The following KANSL3 variants were observed in gnomAD, a reference collection of about 807,000 sequenced individuals.
KANSL3 encodes the protein NSL complex protein NSL3.
KANSL3 carries 16 observed loss-of-function variants against 89.2 expected under a neutral mutation model. The ratio of observed to expected loss-of-function variants is 0.18; its 90% CI spans 0.12 to 0.27. KANSL3 has a LOEUF of 0.27. KANSL3 is among the 10% of genes least tolerant of loss of function. KANSL3 has a pLI of 1.00. For missense variants in KANSL3, 879 were observed against 1,110.6 expected, an observed-to-expected ratio of 0.79 and a Z score of 2.96; for synonymous variants, 385 against 419.7, an observed-to-expected ratio of 0.92 and a Z score of 1.01.
the KANSL3 span, among the ~76,000 whole-genome samples, chr2:96,587,155 A>C: frequency 6.6e-6 from 1 of 152,184 alleles, no homozygotes; most frequent in African/African-American, 2.4e-5. Flanking sequence ...TGGGAAACTA[A>C]AACTTCAATC....
chr2:96,586,860 A>G, the KANSL3 span, among the ~76,000 whole-genome samples: 2 of 152,228 alleles, frequency 1.3e-5, no homozygotes, highest in African/African-American at 4.8e-5. Flanking sequence ...CTTCCAGTTA[A>G]TTAATTCTTT....
chr2:96,604,712 C>T, intron 16 of KANSL3, 67 bp downstream of exon 16: 2 of 1,382,250 alleles, frequency 1.4e-6, no homozygotes, highest in East Asian at 2.5e-5. Context: ...TTCCAAAGCA[C>T]TAAATAAACC....
Position 96,604,488 on chromosome 2 carries a change from A to G in KANSL3, c.2019-108T>C, listed in dbSNP as rs115067402. 67 of 1,311,660 alleles carry G rather than the reference A, an allele frequency of 5.1e-5. No individual in the cohort carries two copies. The African/African-American group carries it at 7.8e-4, about 15-fold the overall frequency. The allele number at this position is 1,311,660 out of a possible 1,614,324, so 81.3% of individuals were successfully genotyped here. On this transcript the variant is annotated intron_variant, in intron 16 of 20. Coordinates refer to ENST00000431828, the MANE Select transcript of KANSL3 (RefSeq NM_001115016.3). Reference sequence around the variant, plus strand: ...CCCAGCAAGGCTTTCAGCAGCAGACATACACCAAAAACCTTCAGCTTCTTT... The same window carrying G: ...CCCAGCAAGGCTTTCAGCAGCAGACGTACACCAAAAACCTTCAGCTTCTTT...
rs1377031305 is a variant in KANSL3 at position 96,593,402 on chromosome 2, A to T, written c.*2209T>A. 9.0e-6 allele frequency: 4 copies of T among 444,602 alleles called. No individual in the cohort carries two copies. Among genetic ancestry groups the T allele is most frequent in the Non-Finnish European group, 1.8e-5 (4 of 219,972 alleles). 27.5% of individuals were successfully genotyped at this position (444,602 alleles called of 1,614,324 possible). ...GATCCTTCCACATTTTCTATCAATA[A>T]TATTGCCTTCTGAGGTTATGGATTC... On this transcript the variant is annotated 3_prime_UTR_variant, in exon 21 of 21. Transcript: ENST00000431828.
At chr2:96,581,926 A>T in the KANSL3 span, among the ~76,000 whole-genome samples, 1 of 152,188 alleles carries the variant, frequency 6.6e-6, no homozygotes, top group Non-Finnish European at 1.5e-5. Context: ...CAAATATAAA[A>T]ATACTTCAGC....
chr2:96,610,993 G>A lies in KANSL3; in HGVS notation c.1161+71C>T, dbSNP rs562250115. ...GCAACTGCAGTCAGCCTCAGCATCA[G>A]CTTGGACAAGGCATGCACACTCGCG... is the stretch of plus-strand genomic sequence containing the variant. On this transcript the variant is annotated intron_variant, in intron 10 of 20. Coordinates refer to ENST00000431828, the MANE Select transcript of KANSL3 (RefSeq NM_001115016.3). The A allele has an allele frequency of 4.4e-6, 7 of 1,577,498 alleles. No individual in the cohort carries two copies. In the Admixed American group the frequency reaches 1.2e-4, roughly 26 times the overall value.
chr2:96,625,836 TAAGATA>T (rs2072194345), intron 3 of KANSL3, among the ~76,000 whole-genome samples: 1 of 152,242 alleles, frequency 6.6e-6, no homozygotes, highest in Middle Eastern at 3.4e-3. Context: ...AAACCAAGAT[TAAGATA>T]AAGAGCATGC....
rs896744478 is a variant in KANSL3, at chr2:96,612,632, A to C, written c.913-69T>G. On this transcript the variant is annotated intron_variant, in intron 7 of 20. Transcript: ENST00000431828. ...AAATCTTTCAATTCTGTTTAACCTAACCTAAACCCAAAACCTTGGAATTCC... is the reference window on the plus strand; with the variant it reads ...AAATCTTTCAATTCTGTTTAACCTACCCTAAACCCAAAACCTTGGAATTCC... The C allele has an allele frequency of 2.3e-5, 32 of 1,371,546 alleles. 2 individuals carry two copies. Among genetic ancestry groups the C allele is most frequent in the Admixed American group, 8.9e-5 (5 of 56,008 alleles). 85.0% of individuals were successfully genotyped at this position (1,371,546 alleles called of 1,614,324 possible). A position where few individuals can be genotyped will look rare whatever the true frequency, so the allele number is the denominator to read the frequency against.
intron 2 of KANSL3, among the ~76,000 whole-genome samples, chr2:96,633,947 T>A (rs1271315248): frequency 6.6e-6 from 1 of 152,224 alleles, no homozygotes; most frequent in Non-Finnish European, 1.5e-5. Context: ...GTGGCGGCAG[T>A]TACCACACTG....
At chr2:96,581,549 GCTT>G in the KANSL3 span, among the ~76,000 whole-genome samples, 1 of 151,982 alleles carries the variant, frequency 6.6e-6, no homozygotes, top group South Asian at 2.1e-4. Context: ...TTCCACGAGT[GCTT>G]CAACATGCTG....
At chr2:96,584,662 T>C in the KANSL3 span, among the ~76,000 whole-genome samples, 1 of 152,362 alleles carries the variant, frequency 6.6e-6, no homozygotes, top group Non-Finnish European at 1.5e-5. Context: ...TCACTTAACA[T>C]GTCCTCCAAG....
chr2:96,632,365 G>T (rs895491660), intron 2 of KANSL3, among the ~76,000 whole-genome samples: 1 of 151,982 alleles, frequency 6.6e-6, no homozygotes, highest in African/African-American at 2.4e-5. Flanking sequence ...AACTGAAGTG[G>T]GAGGATGGCT....
At chr2:96,610,551 G>A (rs552413887) in intron 11 of KANSL3, 175 bp downstream of exon 11, 13 of 566,806 alleles carry the variant, frequency 2.3e-5, no homozygotes, top group African/African-American at 3.8e-5. Flanking sequence ...TCCTGACCTC[G>A]TGATCCGCCT....
At chr2:96,626,929 T>C (rs1400207829) in intron 3 of KANSL3, among the ~76,000 whole-genome samples, 2 of 152,228 alleles carry the variant, frequency 1.3e-5, no homozygotes, top group Non-Finnish European at 2.9e-5. Flanking sequence ...AAAGCAGCCA[T>C]GGATAATACC....
intron 3 of KANSL3, among the ~76,000 whole-genome samples, chr2:96,630,612 T>C (rs2073211021): frequency 6.6e-6 from 1 of 152,248 alleles, no homozygotes; most frequent in Non-Finnish European, 1.5e-5. Flanking sequence ...GTGATGAATA[T>C]ACAACTCTGA....
intron 2 of KANSL3, among the ~76,000 whole-genome samples, chr2:96,633,306 G>A (rs896083821): frequency 2.0e-5 from 3 of 151,076 alleles, no homozygotes; most frequent in African/African-American, 4.8e-5. Flanking sequence ...GTAGTGGCTC[G>A]CGCCTGTAAA....
Position 96,608,796 on chromosome 2 carries a change from G to C in KANSL3, c.1584+68C>G. On this transcript the variant is annotated intron_variant, in intron 13 of 20. Transcript: ENST00000431828. ...CACTAATAAGACAGAGGCATCCCCAGGAAATTAAGGAACCAACTCTGTGGT... is the reference window on the plus strand; with the variant it reads ...CACTAATAAGACAGAGGCATCCCCACGAAATTAAGGAACCAACTCTGTGGT... The C allele has an allele frequency of 3.3e-6, 5 of 1,514,618 alleles. No homozygotes were observed. The South Asian group carries it at 6.4e-5, about 19-fold the overall frequency. The allele number at this position is 1,514,618 out of a possible 1,614,324, so 93.8% of individuals were successfully genotyped here.
At chr2:96,608,790 T>C (rs763410625) in intron 13 of KANSL3, 74 bp downstream of exon 13, 4 of 1,520,486 alleles carry the variant, frequency 2.6e-6, no homozygotes, top group Middle Eastern at 2.0e-4. Flanking sequence ...GACAGAGGCA[T>C]CCCCAGGAAA....
chr2:96,626,211 T>G (rs963155481), intron 3 of KANSL3, among the ~76,000 whole-genome samples: 1 of 152,208 alleles, frequency 6.6e-6, no homozygotes, highest in Non-Finnish European at 1.5e-5. Flanking sequence ...CATTAAAATA[T>G]CTAAAGGATT....
Sources: allele counts gnomAD v4.1 joint callset (sites outside exome capture counted in the v4.1 genomes callset), GRCh38; gene constraint gnomAD v4.1.1; transcripts MANE v1.5; gene names NCBI Gene and HGNC (gene_info 2026-07-23, HGNC 2026-07-21).